Variants in PLCB4 observed in about 807,000 individuals in gnomAD.
The protein encoded by PLCB4 is phospholipase C beta 4, also known as 1-phosphatidylinositol 4,5-bisphosphate phosphodiesterase beta-4.
A neutral mutation model predicts 178.8 loss-of-function variants in PLCB4; 77 were observed. That is an observed-to-expected ratio of 0.43 (90% CI 0.36 to 0.52). PLCB4 has a LOEUF of 0.52. PLCB4 is among the 20% of genes least tolerant of loss of function. The pLI is 0.00. For missense variants in PLCB4, 1,024 were observed against 1,453.4 expected, an observed-to-expected ratio of 0.70 and a Z score of 4.80; for synonymous variants, 496 against 490.8, an observed-to-expected ratio of 1.01 and a Z score of -0.14.
In PLCB4 at chr20:9,460,969, T is replaced by C. The variant is rs1568888168; in HGVS notation, c.3248+1159T>C. ...TATTTCGTCCTATAGGATTAGAAGT[T>C]GTCTTTTCTTTTTTCCTTAGAAATG... On this transcript the variant is annotated intron_variant, in intron 35 of 39. Coordinates refer to ENST00000378473, the MANE Select transcript of PLCB4 (RefSeq NM_001377142.1). Among the ~76,000 whole-genome samples the C allele has an allele frequency of 3.3e-5, 5 of 152,360 alleles. No individual in the cohort carries two copies. The South Asian group carries it at 1.0e-3, about 32-fold the overall frequency.
At chr20:9,152,291 G>A (rs1416525733) in intron 2 of PLCB4, among the ~76,000 whole-genome samples, 1 of 152,130 alleles carries the variant, frequency 6.6e-6, no homozygotes, top group Non-Finnish European at 1.5e-5. Flanking sequence ...TGGAGAAAAT[G>A]TCTCCAGGCC....
intron 2 of PLCB4, among the ~76,000 whole-genome samples, chr20:9,184,568 C>A (rs2093299226): frequency 7.3e-6 from 1 of 137,484 alleles, no homozygotes. Flanking sequence ...AGAAAGGAAC[C>A]ATTTGAGGGT....
chr20:9,127,933 C>A (rs1028372940), intron 2 of PLCB4, among the ~76,000 whole-genome samples: 4 of 152,026 alleles, frequency 2.6e-5, no homozygotes, highest in African/African-American at 9.7e-5. Flanking sequence ...GTGATCTGCC[C>A]GCCTCGGCCT....
At chr20:9,200,100 A>G (rs1348050442) in intron 2 of PLCB4, among the ~76,000 whole-genome samples, 2 of 147,082 alleles carry the variant, frequency 1.4e-5, no homozygotes, top group Non-Finnish European at 1.5e-5. Flanking sequence ...ATTGAAAATG[A>G]CAGTCTCAGT....
rs2032585646 is a variant in PLCB4 at position 9,337,222 on chromosome 20, A to G, written c.165+16A>G. ...TGAAGGCAAGGTATGGCCCAAGAAG[A>G]GCAAGTTGTTCTTTCTGCTTTGTGG... On this transcript the variant is annotated intron_variant, in intron 5 of 39. Transcript: ENST00000378473. 1.3e-6 allele frequency: 2 copies of G among 1,585,078 alleles called. No individual in the cohort carries two copies. Among genetic ancestry groups the G allele is most frequent in the Non-Finnish European group, 1.7e-6 (2 of 1,153,962 alleles).
In PLCB4 at chr20:9,165,657, A is replaced by G. The variant is rs1350729824; in HGVS notation, c.-78-51733A>G. Among the ~76,000 whole-genome samples, 3 of 152,140 alleles carry G rather than the reference A, an allele frequency of 2.0e-5. No homozygotes were observed. In the South Asian group the frequency reaches 6.2e-4, roughly 32 times the overall value. ...TCCTGCAGAATAGAATTCTACTTAC[A>G]TTAGTGTGGATTGGCCATCCTAAAA... On this transcript the variant is annotated intron_variant, in intron 2 of 39. Coordinates refer to ENST00000378473, the MANE Select transcript of PLCB4 (RefSeq NM_001377142.1).
intron 1 of PLCB4, among the ~76,000 whole-genome samples, chr20:9,071,255 A>G (rs1332708935): frequency 6.6e-6 from 1 of 152,198 alleles, no homozygotes; most frequent in Non-Finnish European, 1.5e-5. Context: ...TGCCTTTCCC[A>G]AGATTACACA....
Position 9,227,873 on chromosome 20 carries a change from G to T in PLCB4, c.-16+10421G>T, listed in dbSNP as rs376427012. 2.6e-5 allele frequency among the ~76,000 whole-genome samples: 4 copies of T among 152,046 alleles called. No homozygotes were observed. In the East Asian group the frequency reaches 5.8e-4, roughly 22 times the overall value. On this transcript the variant is annotated intron_variant, in intron 3 of 39. Coordinates refer to ENST00000378473, the MANE Select transcript of PLCB4 (RefSeq NM_001377142.1). ...AATACTTTTATTATTGTTTTGTCCT[G>T]CAGTGATTTTTCAACTATGGTATTA...
chr20:9,135,484 A>G (rs1317609659), intron 2 of PLCB4, among the ~76,000 whole-genome samples: 1 of 152,132 alleles, frequency 6.6e-6, no homozygotes, highest in African/African-American at 2.4e-5. Flanking sequence ...ATGAAGTTAC[A>G]GCAGAGCCAG....
intron 2 of PLCB4, among the ~76,000 whole-genome samples, chr20:9,191,987 T>C (rs2093411141): frequency 6.6e-6 from 1 of 152,136 alleles, no homozygotes; most frequent in Non-Finnish European, 1.5e-5. Context: ...ACTTTTTAGC[T>C]GTGCTACCAC....
rs112177234 is a variant in PLCB4 at position 9,204,173 on chromosome 20, C to T, written c.-78-13217C>T. ...TAAAAAGATTCAAAATAGTTAAAAT[C>T]TTAGTCGTTGAGTCGTTGAGCCCAG... On this transcript the variant is annotated intron_variant, in intron 2 of 39. Coordinates refer to ENST00000378473, the MANE Select transcript of PLCB4 (RefSeq NM_001377142.1). Among the ~76,000 whole-genome samples, 1,201 of 152,060 alleles carry T rather than the reference C, an allele frequency of 7.9e-3. 8 individuals are homozygous for T. Among genetic ancestry groups the T allele is most frequent in the Non-Finnish European group, 0.013 (891 of 68,008 alleles).
At chr20:9,105,662 A>G (rs951527372) in intron 2 of PLCB4, among the ~76,000 whole-genome samples, 2 of 152,118 alleles carry the variant, frequency 1.3e-5, no homozygotes, top group East Asian at 1.9e-4. Flanking sequence ...ATACACATGT[A>G]TGGTAATTTA....
At position 9,149,244 on chromosome 20, in the gene PLCB4, C is replaced by G. The variant is rs550955058; in HGVS notation, c.-79+52902C>G. On this transcript the variant is annotated intron_variant, in intron 2 of 39. Coordinates refer to ENST00000378473, the MANE Select transcript of PLCB4 (RefSeq NM_001377142.1). The stretch of plus-strand genomic sequence containing the variant: ...CTCCACAGCAGCCTGATCTCCACGG[C>G]TGTTGCCCTGGTCTCTGTCAGTTGG... Among the ~76,000 whole-genome samples the G allele has an allele frequency of 9.5e-4, 144 of 152,282 alleles. 1 individual carries two copies. Among genetic ancestry groups the G allele is most frequent in the Admixed American group, 2.3e-3 (35 of 15,290 alleles).
chr20:9,469,409 G>A (rs2044028612), intron 36 of PLCB4, among the ~76,000 whole-genome samples: 5 of 152,154 alleles, frequency 3.3e-5, no homozygotes, highest in South Asian at 2.1e-4. Context: ...TCAGGAGGGC[G>A]GTCTTCTTCA....
chr20:9,246,783 G>A (rs1032427992), intron 3 of PLCB4, among the ~76,000 whole-genome samples: 4 of 152,072 alleles, frequency 2.6e-5, no homozygotes, highest in East Asian at 1.9e-4. Context: ...ATTTGAACTC[G>A]ACTGGGTAAA....
intron 3 of PLCB4, among the ~76,000 whole-genome samples, chr20:9,253,971 A>G (rs2094207531): frequency 1.3e-5 from 2 of 152,236 alleles, no homozygotes; most frequent in Admixed American, 1.3e-4. Context: ...AAGCCATGTT[A>G]GAGCAAAAGT....
chr20:9,266,312 C>T (rs2094348677), intron 3 of PLCB4, among the ~76,000 whole-genome samples: 1 of 152,170 alleles, frequency 6.6e-6, no homozygotes, highest in Non-Finnish European at 1.5e-5. Flanking sequence ...GTTTAACAAG[C>T]TCGCTTGGTA....
intron 1 of PLCB4, among the ~76,000 whole-genome samples, chr20:9,076,685 C>T (rs1013266506): frequency 1.3e-5 from 2 of 152,162 alleles, no homozygotes; most frequent in African/African-American, 2.4e-5. Flanking sequence ...GTCCGCTTAA[C>T]AGCCCTCATT....
At chr20:9,127,899 C>T (rs1261447620) in intron 2 of PLCB4, among the ~76,000 whole-genome samples, 1 of 152,070 alleles carries the variant, frequency 6.6e-6, no homozygotes, top group Admixed American at 6.5e-5. Flanking sequence ...GTTGGCCAGA[C>T]TCGTCTTGAA....
Sources: allele counts gnomAD v4.1 joint callset (sites outside exome capture counted in the v4.1 genomes callset), GRCh38; gene constraint gnomAD v4.1.1; transcripts MANE v1.5; gene names NCBI Gene and HGNC (gene_info 2026-07-23, HGNC 2026-07-21).